The following TMEM232 variants were observed in gnomAD, a reference collection of about 807,000 sequenced individuals.
TMEM232 encodes transmembrane protein 232.
Under a neutral mutation model 78.8 loss-of-function variants are expected in TMEM232, and 80 were observed. That is an observed-to-expected ratio of 1.01 (90% confidence interval 0.85 to 1.22). The LOEUF is 1.22. TMEM232 is among the 50% of genes most tolerant of loss of function. The probability of loss-of-function intolerance (pLI) is 0.00; values close to 1 mark genes in which losing one functional copy is unlikely to be tolerated. For missense variants in TMEM232, 881 were observed against 742.2 expected (o/e 1.19, Z -2.17); for synonymous variants, 297 against 254.3 (o/e 1.17, Z -1.60).
chr5:110,526,775 A>C (rs1363347639), intron 12 of TMEM232, among the ~76,000 whole-genome samples: 1 of 151,978 alleles, frequency 6.6e-6, no homozygotes, highest in Non-Finnish European at 1.5e-5. Context: ...CATTGTGTCT[A>C]GTACACAAGA....
chr5:110,596,105 G>C (rs766007524), intron 10 of TMEM232, among the ~76,000 whole-genome samples: 3 of 152,072 alleles, frequency 2.0e-5, no homozygotes, highest in African/African-American at 2.4e-5. Flanking sequence ...AGCCAGAAGA[G>C]AGTTGGGGCC....
At chr5:110,457,866 TATC>T (rs1290694533) in intron 12 of TMEM232, among the ~76,000 whole-genome samples, 1 of 152,088 alleles carries the variant, frequency 6.6e-6, no homozygotes, top group African/African-American at 2.4e-5. Context: ...TGCCTACAAA[TATC>T]ATAGATAATA....
intron 2 of TMEM232, among the ~76,000 whole-genome samples, chr5:110,654,990 A>G (rs1266966576): frequency 6.6e-6 from 1 of 152,210 alleles, no homozygotes; most frequent in African/African-American, 2.4e-5. Context: ...GGACATAGGC[A>G]TGGGCAAGGA....
chr5:110,468,903 T>C (rs927051183), intron 12 of TMEM232, among the ~76,000 whole-genome samples: 14 of 152,054 alleles, frequency 9.2e-5, no homozygotes, highest in Admixed American at 1.3e-4. Flanking sequence ...CCAGAAACCA[T>C]GTAGAGCACA....
intron 2 of TMEM232, among the ~76,000 whole-genome samples, chr5:110,412,100 C>T (rs1756019300): frequency 1.3e-5 from 2 of 152,032 alleles, no homozygotes. Context: ...AAATAAGTTG[C>T]CAAACAAATC....
intron 1 of TMEM232, among the ~76,000 whole-genome samples, chr5:110,704,466 T>A (rs1206820919): frequency 1.3e-5 from 2 of 152,142 alleles, no homozygotes; most frequent in Non-Finnish European, 2.9e-5. Flanking sequence ...TCCAAAATAC[T>A]GGACCAGGTC....
intron 2 of TMEM232, among the ~76,000 whole-genome samples, chr5:110,404,416 T>C (rs954915654): frequency 6.6e-6 from 1 of 152,072 alleles, no homozygotes; most frequent in African/African-American, 2.4e-5. Flanking sequence ...TCAGATCCCA[T>C]GTAATATTTA....
intron 1 of TMEM232, among the ~76,000 whole-genome samples, chr5:110,696,578 T>C (rs1208439918): frequency 6.6e-6 from 1 of 152,182 alleles, no homozygotes; most frequent in Non-Finnish European, 1.5e-5. Flanking sequence ...CAAAATCTCC[T>C]TAAGCTGATA....
intron 1 of TMEM232, among the ~76,000 whole-genome samples, chr5:110,669,570 C>T (rs948741149): frequency 2.0e-5 from 3 of 152,170 alleles, no homozygotes; most frequent in Admixed American, 2.0e-4. Context: ...GAACTAGTAC[C>T]ATTCCTTCTG....
At chr5:110,460,835 G>GTGAT (rs1183551874) in intron 12 of TMEM232, among the ~76,000 whole-genome samples, 1 of 152,004 alleles carries the variant, frequency 6.6e-6, no homozygotes, top group Non-Finnish European at 1.5e-5. Context: ...ATGGTGAGCT[G>GTGAT]TGATTAGTGA....
intron 12 of TMEM232, among the ~76,000 whole-genome samples, chr5:110,492,012 G>T (rs1765150980): frequency 6.6e-6 from 1 of 151,708 alleles, no homozygotes; most frequent in Non-Finnish European, 1.5e-5. Flanking sequence ...AAATACTTCA[G>T]TGCAATCATA....
chr5:110,714,582 G>C (rs1796839116), intron 1 of TMEM232, among the ~76,000 whole-genome samples: 1 of 151,938 alleles, frequency 6.6e-6, no homozygotes, highest in Admixed American at 6.6e-5. Flanking sequence ...TAACCTTTTA[G>C]TTGACACAAT....
In TMEM232 at chr5:110,667,296, G is replaced by C. The variant is rs951717547; in HGVS notation, c.57C>G (p.Ser19=). The part of the protein sequence containing the change: ...PMINTCGGIS[S]PYHEELWKLN... Reference sequence around the variant, plus strand: ...ATTTCCAGAGCTCTTCATGATAAGGGGAAGATATGCCTCCACATGTATTAA... The same window carrying C: ...ATTTCCAGAGCTCTTCATGATAAGGCGAAGATATGCCTCCACATGTATTAA... The change falls in exon 2 of 14, where the codon TCC becomes TCG. Residue 19 remains serine, a synonymous_variant. Transcript: ENST00000455884. 6.5e-7 allele frequency: 1 copy of C among 1,542,616 alleles called. No homozygotes were observed. Among genetic ancestry groups the C allele is most frequent in the Non-Finnish European group, 8.8e-7 (1 of 1,140,912 alleles).
chr5:110,525,227 C>A (rs1770398091), intron 12 of TMEM232, among the ~76,000 whole-genome samples: 1 of 149,634 alleles, frequency 6.7e-6, no homozygotes, highest in African/African-American at 2.4e-5. Flanking sequence ...GCATACTCAG[C>A]TGATAAAATA....
At position 110,656,055 on chromosome 5, in the gene TMEM232, T is replaced by TA. The variant is rs200743341; in HGVS notation, c.125+11172dup. Reference sequence around the variant, plus strand: ...ATGTACCCTAAAACTTAAAGTATAATAAAAAAAAAACAATACTTTAATTGG... The same window carrying TA: ...ATGTACCCTAAAACTTAAAGTATAATAAAAAAAAAAACAATACTTTAATTGG... On this transcript the variant is annotated intron_variant, in intron 2 of 13. Transcript: ENST00000455884. 6.3e-4 allele frequency among the ~76,000 whole-genome samples: 92 copies of TA among 147,062 alleles called. 1 individual carries two copies. Among genetic ancestry groups the TA allele is most frequent in the African/African-American group, 1.2e-3 (48 of 39,974 alleles).
At chr5:110,448,906 A>G (rs1344553909) in intron 12 of TMEM232, among the ~76,000 whole-genome samples, 1 of 151,994 alleles carries the variant, frequency 6.6e-6, no homozygotes, top group Non-Finnish European at 1.5e-5. Flanking sequence ...TAAAAACAAG[A>G]CATAATACAA....
chr5:110,690,850 C>A (rs1260002846), intron 1 of TMEM232, among the ~76,000 whole-genome samples: 1 of 152,110 alleles, frequency 6.6e-6, no homozygotes, highest in Non-Finnish European at 1.5e-5. Context: ...TGGAAACCAT[C>A]ATTCTCAGCA....
chr5:110,494,118 G>C (rs568767395), intron 12 of TMEM232, among the ~76,000 whole-genome samples: 1 of 152,138 alleles, frequency 6.6e-6, no homozygotes, highest in Non-Finnish European at 1.5e-5. Flanking sequence ...TGGCTGCATA[G>C]TATTCCATGG....
At chr5:110,698,376 G>A (rs1169428666) in intron 1 of TMEM232, among the ~76,000 whole-genome samples, 1 of 151,860 alleles carries the variant, frequency 6.6e-6, no homozygotes, top group Non-Finnish European at 1.5e-5. Context: ...CATGGCACAT[G>A]TATATATATG....
Sources: gnomAD v4.1 joint callset for allele counts (sites outside exome capture counted in the v4.1 genomes callset) on GRCh38, gnomAD v4.1.1 for gene constraint, MANE v1.5 for transcripts, NCBI Gene and HGNC (gene_info 2026-07-23, HGNC 2026-07-21) for gene names.